Variants in PLXDC2 observed in about 807,000 individuals in gnomAD.
The protein encoded by PLXDC2 is plexin domain containing 2, also known as plexin domain-containing protein 2.
In PLXDC2, 40 loss-of-function variants were observed where a neutral mutation model predicts 68.9. The ratio of observed to expected loss-of-function variants is 0.58; its 90% confidence interval spans 0.45 to 0.76. The LOEUF is 0.76. Among genes scored for constraint, PLXDC2 ranks in the 30% least tolerant of loss-of-function variants. The pLI, the probability that PLXDC2 is intolerant of heterozygous loss-of-function variation, is 0.00. For synonymous variants in PLXDC2, 243 were observed against 234.2 expected (o/e 1.04, Z -0.34); for missense variants, 644 against 661.9 (o/e 0.97, Z 0.30).
chr10:20,009,670 G>T (rs1196688372), intron 2 of PLXDC2, among the ~76,000 whole-genome samples: 1 of 150,806 alleles, frequency 6.6e-6, no homozygotes, highest in Admixed American at 6.7e-5. Flanking sequence ...GATTAATGCA[G>T]TGATGAGGTG....
At chr10:20,029,386 A>G (rs1835460471) in intron 2 of PLXDC2, among the ~76,000 whole-genome samples, 2 of 152,094 alleles carry the variant, frequency 1.3e-5, no homozygotes, top group African/African-American at 4.8e-5. Context: ...ACTTAAATGC[A>G]TGACATGTAA....
At chr10:20,110,355 A>G (rs1833543713) in intron 4 of PLXDC2, among the ~76,000 whole-genome samples, 1 of 152,136 alleles carries the variant, frequency 6.6e-6, no homozygotes, top group African/African-American at 2.4e-5. Flanking sequence ...AGACAGTACC[A>G]CTTAACACTT....
intron 1 of PLXDC2, among the ~76,000 whole-genome samples, chr10:20,001,495 G>C (rs529056325): frequency 4.0e-4 from 61 of 152,066 alleles, no homozygotes; most frequent in African/African-American, 1.4e-3. Flanking sequence ...CAAGGGAAGG[G>C]AATAAAAATG....
At chr10:19,852,021 G>A (rs542911141) in intron 1 of PLXDC2, among the ~76,000 whole-genome samples, 2 of 152,316 alleles carry the variant, frequency 1.3e-5, no homozygotes, top group East Asian at 3.9e-4. Context: ...CTTGTTCAAA[G>A]TGTGGTCCAT....
At chr10:20,025,093 C>A (rs1451533056) in intron 2 of PLXDC2, among the ~76,000 whole-genome samples, 1 of 152,092 alleles carries the variant, frequency 6.6e-6, no homozygotes, top group Admixed American at 6.6e-5. Context: ...ATATACCCAG[C>A]AATTCCATTG....
intron 7 of PLXDC2, among the ~76,000 whole-genome samples, chr10:20,165,967 C>T (rs535460167): frequency 1.1e-4 from 17 of 151,930 alleles, no homozygotes; most frequent in South Asian, 4.2e-4. Context: ...GTGTTTGTGT[C>T]CTATGTGTTC....
chr10:19,995,158 A>G (rs1165824727), intron 1 of PLXDC2, among the ~76,000 whole-genome samples: 1 of 152,196 alleles, frequency 6.6e-6, no homozygotes, highest in Non-Finnish European at 1.5e-5. Context: ...ACATCTCTGT[A>G]TCAGTGGTCC....
chr10:19,970,760 G>C (rs562918820), intron 1 of PLXDC2, among the ~76,000 whole-genome samples: 1 of 152,158 alleles, frequency 6.6e-6, no homozygotes, highest in African/African-American at 2.4e-5. Context: ...GGAATTTCTG[G>C]GGAGTGGGAT....
chr10:19,868,042 C>A (rs1468061167), intron 1 of PLXDC2, among the ~76,000 whole-genome samples: 2 of 152,040 alleles, frequency 1.3e-5, no homozygotes, highest in Non-Finnish European at 2.9e-5. Context: ...GGCTGTAGAA[C>A]CCGTTTCAAT....
At chr10:20,000,218 A>G (rs1834910753) in intron 1 of PLXDC2, among the ~76,000 whole-genome samples, 1 of 152,074 alleles carries the variant, frequency 6.6e-6, no homozygotes, top group African/African-American at 2.4e-5. Flanking sequence ...TTAAACACTT[A>G]CTGTATGGAG....
intron 1 of PLXDC2, among the ~76,000 whole-genome samples, chr10:19,871,556 C>G (rs551276014): frequency 3.3e-5 from 5 of 152,268 alleles, no homozygotes; most frequent in African/African-American, 1.2e-4. Flanking sequence ...CGTTTCTTGT[C>G]TATTTGGCTC....
At chr10:20,238,668 T>TATGTATATATATATATATATACACAC in intron 12 of PLXDC2, among the ~76,000 whole-genome samples, 2 of 96,770 alleles carry the variant, frequency 2.1e-5, no homozygotes, top group Non-Finnish European at 4.1e-5. Flanking sequence ...AAAAAATATA[T>TATGTATATATATATATATATACACAC]ATATATATGT....
chr10:19,872,190 C>T (rs573985057), intron 1 of PLXDC2, among the ~76,000 whole-genome samples: 8 of 152,226 alleles, frequency 5.3e-5, no homozygotes, highest in Middle Eastern at 3.4e-3. Context: ...AGGACATGAA[C>T]GAAGACATCT....
At chr10:19,955,074 ATTTTTTTTT>A (rs750051734) in intron 1 of PLXDC2, among the ~76,000 whole-genome samples, 1 of 99,292 alleles carries the variant, frequency 1.0e-5, no homozygotes, top group African/African-American at 3.9e-5. Flanking sequence ...CCTTTCACTG[ATTTTTTTTT>A]TTTTTTTTTT....
intron 1 of PLXDC2, among the ~76,000 whole-genome samples, chr10:19,984,997 G>A (rs1834612768): frequency 6.6e-6 from 1 of 152,106 alleles, no homozygotes; most frequent in South Asian, 2.1e-4. Context: ...TTGCATTTCT[G>A]TTTTCTTTCT....
Position 20,285,792 on chromosome 10 carries a change from T to C in PLXDC2, c.*5973T>C, listed in dbSNP as rs1403198003. ...TTGCACTTTAGGTGTGTGTGGTGGT[T>C]ATGTCATTTATTAGACCATCCCAGA... On this transcript the variant is annotated 3_prime_UTR_variant, in exon 14 of 14. Coordinates refer to ENST00000377252, the MANE Select transcript of PLXDC2 (RefSeq NM_032812.9). The C allele has an allele frequency of 1.3e-5, 2 of 152,186 alleles. No homozygotes were observed. Among genetic ancestry groups the C allele is most frequent in the Admixed American group, 1.3e-4 (2 of 15,278 alleles). 9.4% of individuals were successfully genotyped at this position (152,186 alleles called of 1,614,324 possible).
At chr10:20,038,284 C>T (rs1835616941) in intron 2 of PLXDC2, among the ~76,000 whole-genome samples, 1 of 151,386 alleles carries the variant, frequency 6.6e-6, no homozygotes, top group African/African-American at 2.4e-5. Flanking sequence ...TAAATCATAC[C>T]TAGAAAAGTC....
intron 1 of PLXDC2, among the ~76,000 whole-genome samples, chr10:19,911,743 A>G (rs866215948): frequency 2.0e-5 from 3 of 152,218 alleles, no homozygotes; most frequent in African/African-American, 4.8e-5. Context: ...TTTTTCTACC[A>G]TGCCAAGACA....
rs550057361 is a variant in PLXDC2, at chr10:20,013,152, G to A, written c.324+11166G>A. On this transcript the variant is annotated intron_variant, in intron 2 of 13. Transcript: ENST00000377252. ...CCTTTTAGATAATATCTAGAGATTT[G>A]TCCCTATCAATCTGTTTATCTATCT... Among the ~76,000 whole-genome samples, 14 of 152,174 alleles carry A rather than the reference G, an allele frequency of 9.2e-5. No individual in the cohort carries two copies. The South Asian group carries it at 2.9e-3, about 32-fold the overall frequency.
Sources: allele counts gnomAD v4.1 joint callset (sites outside exome capture counted in the v4.1 genomes callset), GRCh38; gene constraint gnomAD v4.1.1; transcripts MANE v1.5; gene names NCBI Gene and HGNC (gene_info 2026-07-23, HGNC 2026-07-21).